Variants in EPG5 observed in about 807,000 individuals in gnomAD.
EPG5 encodes the protein ectopic P granules protein 5 homolog.
In EPG5, 159 loss-of-function variants were observed where a neutral mutation model predicts 302.7. The observed-to-expected ratio is 0.53, with a 90% CI of 0.46 to 0.60. The LOEUF is 0.60. Among genes scored for constraint, EPG5 ranks in the 20% least tolerant of loss-of-function variants. The pLI is 0.00. For missense variants in EPG5, 2,896 were observed against 3,092.4 expected, an observed-to-expected ratio of 0.94 and a Z score of 1.51; for synonymous variants, 1,158 against 1,136.8, an observed-to-expected ratio of 1.02 and a Z score of -0.37.
At chr18:45,855,718 A>G (rs1413962607) in intron 42 of EPG5, 31 bp from the exon 43 acceptor site, 1 of 1,416,126 alleles carries the variant, frequency 7.1e-7, no homozygotes, top group African/African-American at 1.4e-5. Flanking sequence ...CAGAAGAAGT[A>G]AATGGCTATT....
the EPG5 span, chr18:45,838,478 A>G: frequency 3.4e-6 from 2 of 581,630 alleles, no homozygotes; most frequent in South Asian, 5.4e-5. Context: ...GAATTTGCCA[A>G]ATCTTTTCAG....
At chr18:45,935,132 T>C (rs2050490241) in intron 10 of EPG5, among the ~76,000 whole-genome samples, 166 bp from the exon 11 acceptor site, 1 of 152,184 alleles carries the variant, frequency 6.6e-6, no homozygotes, top group African/African-American at 2.4e-5. Context: ...TAACAGCAAA[T>C]ACAAACCACC....
At chr18:45,955,662 G>T (rs1181863587) in intron 1 of EPG5, among the ~76,000 whole-genome samples, 1 of 152,112 alleles carries the variant, frequency 6.6e-6, no homozygotes, top group Non-Finnish European at 1.5e-5. Flanking sequence ...TTTTGCCAGG[G>T]GTTAAGTTAA....
chr18:45,845,089 A>G (rs1391350196), downstream of EPG5, among the ~76,000 whole-genome samples: 3 of 152,304 alleles, frequency 2.0e-5, no homozygotes, highest in African/African-American at 4.8e-5. Context: ...AGTTGACTCC[A>G]GGTGATTCTT....
chr18:45,896,432 C>A (rs1372879128), intron 27 of EPG5, among the ~76,000 whole-genome samples: 1 of 152,230 alleles, frequency 6.6e-6, no homozygotes, highest in Non-Finnish European at 1.5e-5. Context: ...GTTAGGGCCA[C>A]AAAATACAGC....
At chr18:45,839,968 G>A in the EPG5 span, among the ~76,000 whole-genome samples, 1 of 152,162 alleles carries the variant, frequency 6.6e-6, no homozygotes, top group East Asian at 1.9e-4. Flanking sequence ...CTCATCAAGT[G>A]TTTTGTGCTC....
intron 30 of EPG5, 61 bp from the exon 31 acceptor site, chr18:45,882,548 G>T (rs1054176221): frequency 2.1e-6 from 3 of 1,405,048 alleles, no homozygotes; most frequent in Non-Finnish European, 2.9e-6. Context: ...TTTAAGAGGA[G>T]AGAGGTCTGT....
chr18:45,854,896 A>G (rs1002716938), intron 43 of EPG5, among the ~76,000 whole-genome samples: 9 of 152,176 alleles, frequency 5.9e-5, no homozygotes, highest in African/African-American at 1.4e-4. Flanking sequence ...TAGCATTGCT[A>G]TGAGGATTAA....
At chr18:45,953,962 T>C (rs1210040963) in intron 2 of EPG5, 10 of 978,300 alleles carry the variant, frequency 1.0e-5, no homozygotes, top group Middle Eastern at 5.3e-4. Context: ...TAATGACCCA[T>C]GGGCTGAATT....
rs1216113203 is a variant in EPG5 at position 45,913,758 on chromosome 18, A to G, written c.3764T>C (p.Ile1255Thr). The G allele has an allele frequency of 1.2e-6, 2 of 1,614,022 alleles. No homozygotes were observed. Among genetic ancestry groups the G allele is most frequent in the African/African-American group, 1.3e-5 (1 of 74,902 alleles). The change falls in exon 21 of 44, where the codon ATT (isoleucine) becomes ACT (threonine). Residue 1255 changes from isoleucine (I) to threonine (T), a missense_variant. Physicochemically the swap from Ile to Thr is moderately conservative, Grantham distance 89 (BLOSUM62 -1). Coordinates refer to ENST00000282041, the MANE Select transcript of EPG5 (RefSeq NM_020964.3). ...AGAGTTTATCACCAATTCCCCTTCA[A>G]TAACTCTCCGGAGCTGGGAGTCCTC... is the stretch of plus-strand genomic sequence containing the variant. ...FEEDSQLRRVIEGELVINSAF... is the reference protein window; with the variant it reads ...FEEDSQLRRVTEGELVINSAF...
the EPG5 span, among the ~76,000 whole-genome samples, chr18:45,806,963 C>T: frequency 1.3e-5 from 2 of 152,090 alleles, no homozygotes; most frequent in South Asian, 2.1e-4. Context: ...AGGCAGGTAT[C>T]GTGCGGCAAG....
intron 14 of EPG5, among the ~76,000 whole-genome samples, chr18:45,924,675 C>A (rs1302156385): frequency 6.6e-6 from 1 of 152,228 alleles, no homozygotes; most frequent in African/African-American, 2.4e-5. Context: ...TGCTACATAG[C>A]AAACCCTTAA....
chr18:45,879,557 C>T (rs558430176), intron 32 of EPG5, among the ~76,000 whole-genome samples: 2 of 152,132 alleles, frequency 1.3e-5, no homozygotes, highest in African/African-American at 4.8e-5. Flanking sequence ...TTAGTAGAGA[C>T]AGGGTTTCAC....
chr18:45,840,079 G>A, the EPG5 span: 1 of 938,576 alleles, frequency 1.1e-6, no homozygotes, highest in African/African-American at 1.6e-5. Context: ...TTCACACCCT[G>A]CTAGTCTGCT....
chr18:45,894,538 C>T (rs1405309204), intron 27 of EPG5, among the ~76,000 whole-genome samples: 2 of 152,068 alleles, frequency 1.3e-5, no homozygotes, highest in African/African-American at 2.4e-5. Context: ...CAGGACAAAA[C>T]AGCAAGTGAC....
intron 39 of EPG5, among the ~76,000 whole-genome samples, chr18:45,861,976 T>G (rs1217761925): frequency 6.6e-6 from 1 of 152,204 alleles, no homozygotes; most frequent in Non-Finnish European, 1.5e-5. Context: ...CTTTTGCTTC[T>G]TTTAGATCAT....
the EPG5 span, among the ~76,000 whole-genome samples, chr18:45,801,332 G>A: frequency 6.6e-6 from 1 of 152,022 alleles, no homozygotes; most frequent in Admixed American, 6.6e-5. Context: ...CACCACATCC[G>A]GCCCTGTGTG....
rs587776940 is a variant in EPG5 at position 45,916,110 on chromosome 18, G to C, written c.3481C>G (p.Arg1161Gly). ...ATGAGGAAGAGGATAGGTTGTTCTC[G>C]GTACCAGAGATGCTGGCTTATGAGA... ...QALISQHLWY[R>G]EQPILFLMDH... is the part of the protein sequence containing the mutation. Residue 1161 changes from arginine to glycine, a missense_variant, in exon 19 of 44, where the codon CGA (arginine) becomes GGA (glycine). Transcript: ENST00000282041. 6.2e-7 allele frequency: 1 copy of C among 1,614,090 alleles called. No individual in the cohort carries two copies. The highest frequency in any genetic ancestry group is 8.5e-7 in the Non-Finnish European group (1 of 1,180,004).
intron 35 of EPG5, among the ~76,000 whole-genome samples, chr18:45,875,074 G>A (rs771042232): frequency 7.9e-5 from 12 of 152,200 alleles, no homozygotes; most frequent in Non-Finnish European, 1.0e-4. Flanking sequence ...AGGCCAGCCC[G>A]CAAGTGAGTT....
Sources: gnomAD v4.1 joint callset for allele counts (sites outside exome capture counted in the v4.1 genomes callset) on GRCh38, gnomAD v4.1.1 for gene constraint, MANE v1.5 for transcripts, NCBI Gene and HGNC (gene_info 2026-07-23, HGNC 2026-07-21) for gene names.